The following LYSMD4 variants were observed in gnomAD, a reference collection of about 807,000 sequenced individuals.
LYSMD4 encodes LysM domain containing 4.
A neutral mutation model predicts 6.1 loss-of-function variants in LYSMD4; 9 were observed. That is an observed-to-expected ratio of 1.47 (90% CI 0.88 to 2.56). The LOEUF is 2.56. LYSMD4 is among the 30% of genes most tolerant of loss of function. The pLI, the probability that LYSMD4 is intolerant of heterozygous loss-of-function variation, is 0.00. For missense variants in LYSMD4, 384 were observed against 373.5 expected, an observed-to-expected ratio of 1.03 and a Z score of -0.23; for synonymous variants, 143 against 148.5, an observed-to-expected ratio of 0.96 and a Z score of 0.27.
chr15:99,721,520 T>G (rs1225810281), upstream of LYSMD4, among the ~76,000 whole-genome samples: 1 of 152,260 alleles, frequency 6.6e-6, no homozygotes, highest in African/African-American at 2.4e-5. Flanking sequence ...CCAGAGCAGC[T>G]GTTTCACAGT....
chr15:99,720,466 A>C (rs191864601), upstream of LYSMD4, among the ~76,000 whole-genome samples: 309 of 152,318 alleles, frequency 2.0e-3, 1 homozygote, highest in African/African-American at 7.2e-3. Flanking sequence ...CAAAAAGAAA[A>C]ATACACAAGT....
intron 2 of LYSMD4, chr15:99,731,040 A>G: frequency 2.5e-6 from 2 of 789,240 alleles, no homozygotes; most frequent in East Asian, 5.2e-5. Context: ...TGTAGGAGAA[A>G]GAGATTTCTT....
chr15:99,730,849 C>T (rs145490539), intron 2 of LYSMD4, among the ~76,000 whole-genome samples: 2 of 152,178 alleles, frequency 1.3e-5, no homozygotes, highest in African/African-American at 4.8e-5. Context: ...CATTTTTCAG[C>T]CCATGTTCTG....
At chr15:99,731,189 A>T in intron 2 of LYSMD4, 1 of 1,612,974 alleles carries the variant, frequency 6.2e-7, no homozygotes, top group South Asian at 1.1e-5. Flanking sequence ...ATTGTTAATC[A>T]CTCTGAATGC....
chr15:99,731,403 T>C (rs147391991), intron 2 of LYSMD4: 1 of 1,612,356 alleles, frequency 6.2e-7, no homozygotes, highest in African/African-American at 1.3e-5. Context: ...CCAGCCCCAT[T>C]AGGTCTAAAA....
chr15:99,729,628 G>C lies in LYSMD4; in HGVS notation c.386C>G (p.Thr129Ser). ...PVRNHGILME[T>S]HKELKPLLSP... ...CAGAAGGGGTTTCAGTTCTTTGTGG[G>C]TCTCCATCAGGATCCCATGGTTTCT... Residue 129 changes from threonine (T) to serine (S), a missense_variant, in exon 3 of 3, where the codon ACC becomes AGC. Thr to Ser is a moderately conservative substitution (Grantham distance 58, BLOSUM62 1). Coordinates refer to ENST00000684762, the MANE Select transcript of LYSMD4 (RefSeq NM_001284417.2). 4 of 1,614,148 alleles carry C rather than the reference G, an allele frequency of 2.5e-6. No homozygotes were observed. Among genetic ancestry groups the C allele is most frequent in the East Asian group, 2.2e-5 (1 of 44,888 alleles).
At chr15:99,731,529 G>A in intron 2 of LYSMD4, 189 bp downstream of exon 2, 6 of 1,556,926 alleles carry the variant, frequency 3.9e-6, no homozygotes, top group Admixed American at 4.2e-5. Context: ...TTGGGGGCCA[G>A]GGTTGGGAAC....
chr15:99,722,948 T>C (rs111613060), downstream of LYSMD4, among the ~76,000 whole-genome samples: 1 of 152,076 alleles, frequency 6.6e-6, no homozygotes, highest in African/African-American at 2.4e-5. Flanking sequence ...GGAGATTCGC[T>C]TGAGCCTGGG....
At chr15:99,717,795 G>C (rs2153867039) in exon 1 of LYSMD4, 1 of 152,350 alleles carries the variant, frequency 6.6e-6, no homozygotes, top group Non-Finnish European at 1.5e-5. Context: ...TGATGGGCCT[G>C]CTTTCTAGCT....
exon 1 of LYSMD4, chr15:99,715,819 C>T (rs747336053): frequency 3.3e-5 from 5 of 152,226 alleles, no homozygotes; most frequent in African/African-American, 7.2e-5. Flanking sequence ...CACTCCACCG[C>T]GAGTGGAAGT....
intron 1 of LYSMD4, 81 bp from the exon 2 acceptor site, chr15:99,732,088 TAGAG>T (rs1218058513): frequency 2.9e-5 from 41 of 1,398,328 alleles, no homozygotes; most frequent in Admixed American, 9.9e-5. Context: ...AGTGTCTTGT[TAGAG>T]AGTATTCCTT....
Position 99,729,194 on chromosome 15 carries a change from G to A in LYSMD4, c.820C>T (p.Leu274=). The change falls in exon 3 of 3, where the codon CTA becomes TTA. Residue 274 remains leucine, a synonymous_variant. Transcript: ENST00000684762. ...MGTVPGQAPR[L]AVAVPAVTSA... Reference sequence around the variant, plus strand: ...GTGACGGCTGGCACTGCAACTGCTAGTCTGGGGGCTTGCCCTGGAACTGTA... The same window carrying A: ...GTGACGGCTGGCACTGCAACTGCTAATCTGGGGGCTTGCCCTGGAACTGTA... The A allele has an allele frequency of 6.2e-7, 1 of 1,614,258 alleles. No individual in the cohort carries two copies. The highest frequency in any genetic ancestry group is 8.5e-7 in the Non-Finnish European group (1 of 1,180,050).
chr15:99,729,301 A>AC lies in LYSMD4; in HGVS notation c.712dup (p.Val238GlyfsTer4), dbSNP rs1488679767. 1 of 1,614,058 alleles carries AC rather than the reference A, an allele frequency of 6.2e-7. No individual in the cohort carries two copies. Among genetic ancestry groups the AC allele is most frequent in the Non-Finnish European group, 8.5e-7 (1 of 1,180,046 alleles). On this transcript the variant is annotated frameshift_variant, in exon 3 of 3. Transcript: ENST00000684762. LOFTEE classifies it low-confidence loss of function (END_TRUNC). ...ACCACTAGCTTGTATTTTAAAGTAG[A>AC]CCAAATAAAAGACAGGCAAGACAAT...
At chr15:99,730,362 G>T (rs145666549) in intron 2 of LYSMD4, among the ~76,000 whole-genome samples, 71 of 152,340 alleles carry the variant, frequency 4.7e-4, no homozygotes, top group African/African-American at 1.5e-3. Context: ...ATAATGCTGT[G>T]AGTTTTATCA....
downstream of LYSMD4, among the ~76,000 whole-genome samples, chr15:99,723,746 A>G (rs1351852198): frequency 6.6e-6 from 1 of 152,232 alleles, no homozygotes; most frequent in Non-Finnish European, 1.5e-5. Flanking sequence ...CGCCTGTATC[A>G]ATTAAAATCC....
At chr15:99,733,076 A>C (rs1323994179) in intron 1 of LYSMD4, 4 of 346,622 alleles carry the variant, frequency 1.2e-5, no homozygotes, top group African/African-American at 8.5e-5. Context: ...GAAAATGGGG[A>C]GCGGCCCGGC....
chr15:99,729,394 G>A lies in LYSMD4; in HGVS notation c.620C>T (p.Thr207Met), dbSNP rs149795703. ...GCCACAATCTGCACCATCCATAGGCGTCTTCGGAGGTGCCGGGAGCAGTGG... is the reference window on the plus strand; with the variant it reads ...GCCACAATCTGCACCATCCATAGGCATCTTCGGAGGTGCCGGGAGCAGTGG... Reference protein sequence around the residue: ...HQPLLPAPPKTPMDGADCGIQ... With the variant: ...HQPLLPAPPKMPMDGADCGIQ... The change falls in exon 3 of 3, where the codon ACG (threonine) becomes ATG (methionine). Residue 207 changes from threonine (T) to methionine (M), a missense_variant. Transcript: ENST00000684762. The A allele has an allele frequency of 5.9e-5, 96 of 1,614,130 alleles. No homozygotes were observed. Among genetic ancestry groups the A allele is most frequent in the Middle Eastern group, 1.6e-4 (1 of 6,084 alleles).
Position 99,727,806 on chromosome 15 carries a change from T to C in LYSMD4, c.*1317A>G, listed in dbSNP as rs2059305188. The C allele has an allele frequency of 6.6e-6, 1 of 152,256 alleles. No individual in the cohort carries two copies. Among genetic ancestry groups the C allele is most frequent in the Non-Finnish European group, 1.5e-5 (1 of 68,058 alleles). The allele number at this position is 152,256 out of a possible 1,614,324, so 9.4% of individuals were successfully genotyped here. A position where few individuals can be genotyped will look rare whatever the true frequency, so the allele number is the denominator to read the frequency against. On this transcript the variant is annotated 3_prime_UTR_variant, in exon 3 of 3. Coordinates refer to ENST00000684762, the MANE Select transcript of LYSMD4 (RefSeq NM_001284417.2). ...TCCAGGCCTCATGAGTCAAAGGCCA[T>C]CACTGTCCCTCCACCGAGCATCTGG... is the stretch of plus-strand genomic sequence containing the variant.
chr15:99,722,627 G>T (rs2059245820), downstream of LYSMD4, among the ~76,000 whole-genome samples: 1 of 152,146 alleles, frequency 6.6e-6, no homozygotes, highest in Non-Finnish European at 1.5e-5. Context: ...ATAAGGATGT[G>T]AAACAGCTAT....
Sources: gnomAD v4.1 joint callset for allele counts (sites outside exome capture counted in the v4.1 genomes callset) on GRCh38, gnomAD v4.1.1 for gene constraint, MANE v1.5 for transcripts, NCBI Gene and HGNC (gene_info 2026-07-23, HGNC 2026-07-21) for gene names.